The following RALGAPA1 variants were observed in gnomAD, a reference collection of about 807,000 sequenced individuals.
RALGAPA1 encodes ral GTPase-activating protein subunit alpha-1.
Under a neutral mutation model 269.6 loss-of-function variants are expected in RALGAPA1, and 52 were observed. That is an observed-to-expected ratio of 0.19 (90% CI 0.15 to 0.24). The LOEUF (loss-of-function observed/expected upper bound fraction) is 0.24. Among genes scored for constraint, RALGAPA1 ranks in the 10% least tolerant of loss-of-function variants. The pLI, the probability that RALGAPA1 is intolerant of heterozygous loss-of-function variation, is 1.00. For synonymous variants in RALGAPA1, 817 were observed against 1,008.3 expected (o/e 0.81, Z 3.60); for missense variants, 1,917 against 3,013.9 (o/e 0.64, Z 8.52).
chr14:35,655,935 C>A lies in RALGAPA1; in HGVS notation c.5388-20G>T. The A allele has an allele frequency of 6.2e-7, 1 of 1,612,566 alleles. No homozygotes were observed. The highest frequency in any genetic ancestry group is 8.5e-7 in the Non-Finnish European group (1 of 1,179,388). On this transcript the variant is annotated intron_variant, in intron 28 of 41. Coordinates refer to ENST00000680220, the MANE Select transcript of RALGAPA1 (RefSeq NM_001346249.2). The stretch of plus-strand genomic sequence containing the variant: ...ACACATCTGCAAAAAAGGCAAACAA[C>A]AACGGTTACATAAAATGAAACCACC...
chr14:35,563,020 C>CAAAAAAA lies in RALGAPA1; in HGVS notation c.7496+7590_7496+7596dup, dbSNP rs71445944. 4.4e-3 allele frequency among the ~76,000 whole-genome samples: 164 copies of CAAAAAAA among 37,258 alleles called. 11 individuals carry two copies. Among genetic ancestry groups the CAAAAAAA allele is most frequent in the East Asian group, 0.015 (9 of 584 alleles). The allele number at this position is 37,258 out of a possible 152,430, so 24.4% of individuals were successfully genotyped here. A position where few individuals can be genotyped will look rare whatever the true frequency, so the allele number is the denominator to read the frequency against. ...TGGGCAACAGAGCGAGAGTCCGTCT[C>CAAAAAAA]AAAAAAAAAAAAAAAAAAAAAAAAA... is the stretch of plus-strand genomic sequence containing the variant. On this transcript the variant is annotated intron_variant, in intron 39 of 41. Coordinates refer to ENST00000680220, the MANE Select transcript of RALGAPA1 (RefSeq NM_001346249.2).
At chr14:35,563,881 G>A (rs1364066657) in intron 39 of RALGAPA1, among the ~76,000 whole-genome samples, 4 of 151,858 alleles carry the variant, frequency 2.6e-5, no homozygotes, top group East Asian at 1.9e-4. Context: ...GTATGATCTC[G>A]GCTCAGTGCA....
chr14:35,720,864 C>T (rs2069346123), intron 16 of RALGAPA1, among the ~76,000 whole-genome samples: 1 of 152,050 alleles, frequency 6.6e-6, no homozygotes, highest in African/African-American at 2.4e-5. Context: ...GCCCAGGAGT[C>T]CAGGGCTGCA....
intron 31 of RALGAPA1, among the ~76,000 whole-genome samples, chr14:35,636,973 A>G (rs2061699810): frequency 6.6e-6 from 1 of 152,198 alleles, no homozygotes; most frequent in Admixed American, 6.5e-5. Context: ...ACTGATCTAA[A>G]ACCATGCCAG....
intron 31 of RALGAPA1, among the ~76,000 whole-genome samples, chr14:35,638,754 A>G (rs1251338279): frequency 6.6e-6 from 1 of 151,838 alleles, no homozygotes; most frequent in Non-Finnish European, 1.5e-5. Flanking sequence ...GTGAAATCCT[A>G]TCTCTACTAA....
intron 38 of RALGAPA1, among the ~76,000 whole-genome samples, chr14:35,572,041 C>T (rs993018603): frequency 1.4e-4 from 21 of 152,068 alleles, no homozygotes; most frequent in African/African-American, 4.8e-4. Context: ...AATATTTCTG[C>T]AATAGTGTGT....
chr14:35,625,313 G>A (rs1202344663), intron 35 of RALGAPA1, 48 bp downstream of exon 35: 2 of 1,200,044 alleles, frequency 1.7e-6, no homozygotes, highest in East Asian at 2.3e-5. Flanking sequence ...TTCTAAAAGA[G>A]AAATACCTGA....
chr14:35,622,842 T>A (rs1203961582), intron 35 of RALGAPA1, among the ~76,000 whole-genome samples: 1 of 152,214 alleles, frequency 6.6e-6, no homozygotes, highest in Non-Finnish European at 1.5e-5. Context: ...CTCATGCCTA[T>A]AATCCCAGCA....
intron 28 of RALGAPA1, among the ~76,000 whole-genome samples, chr14:35,656,453 A>G (rs1595002842): frequency 3.3e-5 from 5 of 152,316 alleles, no homozygotes; most frequent in Admixed American, 3.3e-4. Flanking sequence ...TCCCCAATGT[A>G]TTGCAAAGCT....
At chr14:35,677,110 G>A (rs986633049) in intron 22 of RALGAPA1, 2 of 152,168 alleles carry the variant, frequency 1.3e-5, no homozygotes, top group Non-Finnish European at 2.9e-5. Context: ...CGAGGCAGGC[G>A]GGTCACTTGA....
chr14:35,766,042 G>C, intron 4 of RALGAPA1: 1 of 1,366,598 alleles, frequency 7.3e-7, no homozygotes, highest in South Asian at 1.2e-5. Flanking sequence ...CTGATAACTG[G>C]AGGAAGCTCA....
chr14:35,730,798 C>T (rs1595354113), intron 12 of RALGAPA1, among the ~76,000 whole-genome samples: 1 of 152,194 alleles, frequency 6.6e-6, no homozygotes, highest in South Asian at 2.1e-4. Context: ...CTTCCCTACT[C>T]ATCCTGGTAA....
intron 1 of RALGAPA1, among the ~76,000 whole-genome samples, chr14:35,800,166 G>A (rs2141905923): frequency 6.6e-6 from 1 of 152,294 alleles, no homozygotes; most frequent in Non-Finnish European, 1.5e-5. Flanking sequence ...TCTTCTCTCA[G>A]TACTTGATGA....
At chr14:35,602,623 C>T (rs938901769) in intron 36 of RALGAPA1, among the ~76,000 whole-genome samples, 1 of 152,052 alleles carries the variant, frequency 6.6e-6, no homozygotes, top group Non-Finnish European at 1.5e-5. Context: ...GGCGAAATGT[C>T]TATTAGGTCC....
Position 35,627,937 on chromosome 14 carries a change from G to C in RALGAPA1, c.6010C>G (p.Gln2004Glu). 1.3e-6 allele frequency: 2 copies of C among 1,541,858 alleles called. No homozygotes were observed. The highest frequency in any genetic ancestry group is 1.3e-5 in the South Asian group (1 of 79,604). The change falls in exon 34 of 42, where the codon CAG becomes GAG. Residue 2004 changes from glutamine to glutamate, a missense_variant. Transcript: ENST00000680220. The part of the protein sequence containing the change: ...QPVTEVKTQM[Q>E]HGLISIAART... Reference sequence around the variant, plus strand: ...GCTGCTATAGAGATTAATCCATGCTGCATTTGAGTTTTCACTGGAAATAAA... The same window carrying C: ...GCTGCTATAGAGATTAATCCATGCTCCATTTGAGTTTTCACTGGAAATAAA...
At chr14:35,736,114 G>A (rs10129498) in intron 12 of RALGAPA1, among the ~76,000 whole-genome samples, 16,962 of 152,164 alleles carry the variant, frequency 0.11, 1,566 homozygotes, top group East Asian at 0.37. Context: ...TGAAAGATTA[G>A]AGAGAGAAAC....
chr14:35,807,715 G>A (rs1473536148), intron 1 of RALGAPA1: 1 of 152,164 alleles, frequency 6.6e-6, no homozygotes, highest in East Asian at 1.9e-4. Flanking sequence ...TGGTATCCTG[G>A]TGGTATGAGT....
chr14:35,775,713 A>C lies in RALGAPA1; in HGVS notation c.139T>G (p.Phe47Val), dbSNP rs2074969666. The C allele has an allele frequency of 1.9e-6, 3 of 1,571,412 alleles. No homozygotes were observed. Among genetic ancestry groups the C allele is most frequent in the Non-Finnish European group, 2.6e-6 (3 of 1,164,974 alleles). Residue 47 changes from phenylalanine to valine, a missense_variant, in exon 2 of 42, where the codon TTC (phenylalanine) becomes GTC (valine). By Grantham distance (50) the Phe-to-Val change is conservative. Transcript: ENST00000680220. ...TATATATGTGAAAAATGTTGGTCGA[A>C]AAACTGTTTAAGATCAATAGATTCT... ...NAESIDLKQF[F>V]DQHFSHIYYV...
Position 35,688,730 on chromosome 14 carries a change from T to G in RALGAPA1, c.3681A>C (p.Thr1227=). 1 of 1,467,506 alleles carries G rather than the reference T, an allele frequency of 6.8e-7. No homozygotes were observed. Among genetic ancestry groups the G allele is most frequent in the Non-Finnish European group, 9.0e-7 (1 of 1,116,230 alleles). The allele number at this position is 1,467,506 out of a possible 1,614,324, so 90.9% of individuals were successfully genotyped here. A position where few individuals can be genotyped will look rare whatever the true frequency, so the allele number is the denominator to read the frequency against. ...TLGTASVSSK[T]VKESTEIPTT... The stretch of plus-strand genomic sequence containing the variant: ...TGGGAATCTCTGTGGATTCCTTCAC[T>G]GTTTTGCTGCTTACTGATGCAGTAC... The change falls in exon 18 of 42, where the codon ACA becomes ACC. Residue 1227 remains threonine (T), a synonymous_variant. Coordinates refer to ENST00000680220, the MANE Select transcript of RALGAPA1 (RefSeq NM_001346249.2).
Sources: gnomAD v4.1 joint callset for allele counts (sites outside exome capture counted in the v4.1 genomes callset) on GRCh38, gnomAD v4.1.1 for gene constraint, MANE v1.5 for transcripts, NCBI Gene and HGNC (gene_info 2026-07-23, HGNC 2026-07-21) for gene names.